Variants in ITK observed in about 807,000 individuals in gnomAD.
The protein encoded by ITK is tyrosine-protein kinase ITK/TSK.
In ITK, 45 loss-of-function variants were observed where a neutral mutation model predicts 87.6. The observed-to-expected ratio is 0.51, with a 90% confidence interval of 0.40 to 0.66. The LOEUF is 0.66. ITK is among the 30% of genes least tolerant of loss of function. The pLI is 0.00. For synonymous variants in ITK, 303 were observed against 273.6 expected (o/e 1.11, Z -1.06); for missense variants, 605 against 766.3 (o/e 0.79, Z 2.48).
intron 1 of ITK, among the ~76,000 whole-genome samples, chr5:157,197,088 TG>T (rs1753866766): frequency 6.6e-6 from 1 of 152,202 alleles, no homozygotes; most frequent in South Asian, 2.1e-4. Context: ...CTAGTAAGAA[TG>T]GGGCTTGGAC....
At chr5:157,251,810 A>G (rs1235339841) in intron 16 of ITK, among the ~76,000 whole-genome samples, 2 of 152,226 alleles carry the variant, frequency 1.3e-5, no homozygotes, top group African/African-American at 2.4e-5. Context: ...TACTATATTT[A>G]TATGGATCTA....
chr5:157,247,414 A>T (rs546356603), intron 15 of ITK, among the ~76,000 whole-genome samples: 1 of 152,346 alleles, frequency 6.6e-6, no homozygotes, highest in African/African-American at 2.4e-5. Flanking sequence ...ATGTGCAGTC[A>T]TCTCACTATG....
chr5:157,252,807 T>A lies in ITK; in HGVS notation c.*129T>A. ...GAGGCAGCCTGGCCTGTGGCATCAG[T>A]CCCTGAGTCACCATGGAAGCAGCAT... On this transcript the variant is annotated 3_prime_UTR_variant, in exon 17 of 17. Transcript: ENST00000422843. 1 of 751,684 alleles carries A rather than the reference T, an allele frequency of 1.3e-6. No homozygotes were observed. The highest frequency in any genetic ancestry group is 2.4e-6 in the Non-Finnish European group (1 of 418,224). The allele number at this position is 751,684 out of a possible 1,614,324, so 46.6% of individuals were successfully genotyped here.
At chr5:157,243,929 A>C (rs1031559325) in intron 12 of ITK, 135 bp downstream of exon 12, 113 of 831,204 alleles carry the variant, frequency 1.4e-4, no homozygotes, top group Non-Finnish European at 2.0e-5. Flanking sequence ...TTGCACAGAG[A>C]ATACAATCAA....
At chr5:157,243,882 C>A (rs1329828976) in intron 12 of ITK, 88 bp downstream of exon 12, 2 of 1,245,872 alleles carry the variant, frequency 1.6e-6, no homozygotes, top group Non-Finnish European at 2.4e-6. Flanking sequence ...CCAGGGGGTA[C>A]TATCTCCCTG....
chr5:157,252,829 G>A lies in ITK; in HGVS notation c.*151G>A. The A allele has an allele frequency of 1.4e-6, 1 of 699,114 alleles. No homozygotes were observed. The highest frequency in any genetic ancestry group is 2.6e-5 in the East Asian group (1 of 37,996). The allele number at this position is 699,114 out of a possible 1,614,324, so 43.3% of individuals were successfully genotyped here. On this transcript the variant is annotated 3_prime_UTR_variant, in exon 17 of 17. Coordinates refer to ENST00000422843, the MANE Select transcript of ITK (RefSeq NM_005546.4). ...CAGTCCCTGAGTCACCATGGAAGCA[G>A]CATCCTGACCACAGCTGGCAGTCAA...
chr5:157,234,971 T>C (rs1423968339), intron 8 of ITK, among the ~76,000 whole-genome samples: 3 of 152,166 alleles, frequency 2.0e-5, no homozygotes, highest in Non-Finnish European at 4.4e-5. Flanking sequence ...CATTACACCT[T>C]TTTATGAACT....
chr5:157,246,728 G>A (rs1176399406), intron 15 of ITK, among the ~76,000 whole-genome samples: 1 of 152,096 alleles, frequency 6.6e-6, no homozygotes, highest in Non-Finnish European at 1.5e-5. Flanking sequence ...TGATAGGAGG[G>A]AGCTGTCACC....
intron 1 of ITK, among the ~76,000 whole-genome samples, 176 bp from the exon 2 acceptor site, chr5:157,208,713 C>T (rs1754127737): frequency 6.6e-6 from 1 of 152,142 alleles, no homozygotes. Flanking sequence ...CAGGAGTCTG[C>T]TCAGAGTGTT....
At chr5:157,181,777 C>T (rs1290509491) in intron 1 of ITK, among the ~76,000 whole-genome samples, 3 of 152,354 alleles carry the variant, frequency 2.0e-5, no homozygotes, top group African/African-American at 2.4e-5. Flanking sequence ...TGCAGACCAG[C>T]GGTTCTTACC....
At chr5:157,225,620 T>C (rs1221805786) in intron 6 of ITK, among the ~76,000 whole-genome samples, 1 of 152,174 alleles carries the variant, frequency 6.6e-6, no homozygotes, top group Non-Finnish European at 1.5e-5. Flanking sequence ...GGGTAAAACG[T>C]GATGAGATTC....
chr5:157,239,017 C>T (rs1192075836), intron 9 of ITK, among the ~76,000 whole-genome samples: 2 of 152,020 alleles, frequency 1.3e-5, no homozygotes, highest in East Asian at 1.9e-4. Context: ...AGGAAGGGCC[C>T]GATCCAGGGA....
At chr5:157,209,949 A>T (rs1057187050) in intron 2 of ITK, among the ~76,000 whole-genome samples, 1 of 148,936 alleles carries the variant, frequency 6.7e-6, no homozygotes, top group African/African-American at 2.5e-5. Context: ...TTTTTGAGAC[A>T]GAGTCTCACT....
At chr5:157,252,028 T>C (rs1391072604) in intron 16 of ITK, among the ~76,000 whole-genome samples, 1 of 152,194 alleles carries the variant, frequency 6.6e-6, no homozygotes, top group Non-Finnish European at 1.5e-5. Context: ...AAAAAATAAC[T>C]TGCTGAATTT....
At chr5:157,224,288 A>G (rs553495169) in intron 6 of ITK, 2 of 152,208 alleles carry the variant, frequency 1.3e-5, no homozygotes, top group East Asian at 3.9e-4. Flanking sequence ...TGTCTCAAAA[A>G]AAAAAAAAAA....
chr5:157,245,515 C>T, intron 13 of ITK: 1 of 620,776 alleles, frequency 1.6e-6, no homozygotes, highest in East Asian at 2.8e-5. Flanking sequence ...GATAAACTTA[C>T]TCATCTTGAT....
At chr5:157,208,333 G>C (rs11742812) in intron 1 of ITK, among the ~76,000 whole-genome samples, 31,296 of 152,066 alleles carry the variant, frequency 0.21, 4,139 homozygotes, top group East Asian at 0.53. Flanking sequence ...GTATTTGATG[G>C]GGAGGTTGGG....
At chr5:157,252,100 G>T (rs1755149455) in intron 16 of ITK, among the ~76,000 whole-genome samples, 1 of 152,110 alleles carries the variant, frequency 6.6e-6, no homozygotes, top group Non-Finnish European at 1.5e-5. Flanking sequence ...TAACACTATA[G>T]TGTCTTCCTG....
intron 1 of ITK, among the ~76,000 whole-genome samples, chr5:157,197,351 C>G (rs781726661): frequency 5.3e-5 from 8 of 152,152 alleles, no homozygotes; most frequent in Non-Finnish European, 8.8e-5. Flanking sequence ...TTGATGCATA[C>G]CCCTTATTCC....
Sources: allele counts gnomAD v4.1 joint callset (sites outside exome capture counted in the v4.1 genomes callset), GRCh38; gene constraint gnomAD v4.1.1; transcripts MANE v1.5; gene names NCBI Gene and HGNC (gene_info 2026-07-23, HGNC 2026-07-21).